EDARADD: variants seen among roughly 807,000 people sequenced by gnomAD.
EDARADD encodes the protein EDAR associated via death domain.
EDARADD carries 20 observed loss-of-function variants against 25.6 expected under a neutral mutation model. The ratio of observed to expected loss-of-function variants is 0.78; its 90% CI spans 0.55 to 1.14. The LOEUF (loss-of-function observed/expected upper bound fraction) is 1.14, where lower values mean the gene tolerates loss of function less well. Ranked by LOEUF, EDARADD falls within the 50% of genes most tolerant of loss-of-function variation. The pLI is 0.00. For missense variants in EDARADD, 225 were observed against 270.1 expected (o/e 0.83, Z 1.17); for synonymous variants, 86 against 94.4 (o/e 0.91, Z 0.52).
At chr1:236,406,671 G>A (rs192492344) in intron 1 of EDARADD, among the ~76,000 whole-genome samples, 4 of 152,314 alleles carry the variant, frequency 2.6e-5, no homozygotes, top group South Asian at 2.1e-4. Flanking sequence ...GTGACTGTAC[G>A]TTAATGTGTC....
chr1:236,470,711 C>G (rs993967315), intron 5 of EDARADD, among the ~76,000 whole-genome samples: 1 of 152,038 alleles, frequency 6.6e-6, no homozygotes, highest in Non-Finnish European at 1.5e-5. Flanking sequence ...GTTCAAGCAG[C>G]TCTCCTGCCT....
chr1:236,415,284 AG>A (rs1394470149), intron 3 of EDARADD, among the ~76,000 whole-genome samples: 2 of 152,096 alleles, frequency 1.3e-5, no homozygotes, highest in Non-Finnish European at 2.9e-5. Context: ...GGCTAGACAA[AG>A]GGGTGAGGGA....
intron 4 of EDARADD, among the ~76,000 whole-genome samples, chr1:236,450,855 A>G (rs1297165680): frequency 2.0e-5 from 3 of 152,086 alleles, no homozygotes; most frequent in African/African-American, 7.2e-5. Context: ...AGCCTAACTC[A>G]TATAGTTTTC....
At chr1:236,475,004 A>T (rs925543893) in intron 5 of EDARADD, among the ~76,000 whole-genome samples, 7 of 152,040 alleles carry the variant, frequency 4.6e-5, no homozygotes, top group Non-Finnish European at 7.4e-5. Context: ...GTGGTGGCAG[A>T]CACCTGTAAT....
At chr1:236,405,865 C>CCTTT (rs1667716034) in intron 1 of EDARADD, among the ~76,000 whole-genome samples, 1 of 58,058 alleles carries the variant, frequency 1.7e-5, no homozygotes, top group African/African-American at 7.3e-5. Flanking sequence ...TTCCTTCCTT[C>CCTTT]CTTCCTTCCT....
intron 4 of EDARADD, among the ~76,000 whole-genome samples, chr1:236,466,422 C>G (rs577726121): frequency 2.0e-4 from 26 of 128,000 alleles, no homozygotes; most frequent in Admixed American, 8.9e-5. Context: ...CTTTCTCTCT[C>G]ACTCTCTCTC....
chr1:236,360,553 T>G (rs1188069573), intron 3 of EDARADD, among the ~76,000 whole-genome samples: 1 of 147,614 alleles, frequency 6.8e-6, no homozygotes, highest in African/African-American at 2.5e-5. Context: ...TTTTTTTTTT[T>G]TTTTTTTTTT....
At chr1:236,366,348 C>T (rs1667112195) in intron 3 of EDARADD, among the ~76,000 whole-genome samples, 1 of 152,190 alleles carries the variant, frequency 6.6e-6, no homozygotes, top group Non-Finnish European at 1.5e-5. Context: ...TGAGCTGAGA[C>T]CTTTTTGAGC....
intron 3 of EDARADD, among the ~76,000 whole-genome samples, chr1:236,387,259 G>A (rs1221658111): frequency 4.4e-5 from 1 of 22,642 alleles, no homozygotes; most frequent in African/African-American, 1.7e-4. Context: ...GCCTCTGCCC[G>A]GCCGCCCCTA....
chr1:236,352,722 C>T (rs186213963), intron 3 of EDARADD, among the ~76,000 whole-genome samples: 18 of 152,204 alleles, frequency 1.2e-4, no homozygotes, highest in Admixed American at 1.0e-3. Context: ...GTGGTGGGCA[C>T]CTGTAATCCC....
intron 3 of EDARADD, among the ~76,000 whole-genome samples, chr1:236,363,592 TA>T (rs1217998154): frequency 2.0e-5 from 3 of 151,342 alleles, no homozygotes; most frequent in Non-Finnish European, 4.4e-5. Flanking sequence ...TATTTTTACT[TA>T]AAAAAATAAG....
intron 3 of EDARADD, among the ~76,000 whole-genome samples, chr1:236,361,402 A>G (rs1264991097): frequency 1.3e-5 from 2 of 151,592 alleles, no homozygotes; most frequent in African/African-American, 4.9e-5. Flanking sequence ...TGCAACCTCC[A>G]CCTCCGGGTT....
At chr1:236,427,572 GT>G in intron 4 of EDARADD, 122 bp downstream of exon 4, 1 of 919,120 alleles carries the variant, frequency 1.1e-6, no homozygotes, top group Non-Finnish European at 1.7e-6. Context: ...CATAAACAGG[GT>G]TTGCAAATGG....
chr1:236,427,467 C>T lies in EDARADD; in HGVS notation c.219+17C>T, dbSNP rs1356015954. The T allele has an allele frequency of 3.1e-6, 5 of 1,607,300 alleles. No homozygotes were observed. The highest frequency in any genetic ancestry group is 4.3e-6 in the Non-Finnish European group (5 of 1,175,802). On this transcript the variant is annotated intron_variant, in intron 4 of 5. Coordinates refer to ENST00000334232, the MANE Select transcript of EDARADD (RefSeq NM_145861.4). ...AAAAATCAGGTAAGAATAATTTCAA[C>T]TATATTTTACCCTTAGGTACATGAT...
chr1:236,377,593 C>T (rs1572115587), intron 3 of EDARADD, among the ~76,000 whole-genome samples: 1 of 151,580 alleles, frequency 6.6e-6, no homozygotes, highest in East Asian at 2.0e-4. Flanking sequence ...AGCGTGGTGG[C>T]TCACGCCTGT....
At chr1:236,353,859 G>C (rs1666946850) in intron 3 of EDARADD, among the ~76,000 whole-genome samples, 1 of 151,980 alleles carries the variant, frequency 6.6e-6, no homozygotes, top group Non-Finnish European at 1.5e-5. Flanking sequence ...GTGTTGCTTA[G>C]CAAAATGACA....
At chr1:236,466,850 T>C (rs1250510756) in intron 4 of EDARADD, among the ~76,000 whole-genome samples, 5 of 152,098 alleles carry the variant, frequency 3.3e-5, no homozygotes, top group African/African-American at 4.8e-5. Context: ...GGGCGGATCA[T>C]GAGGTCAGGA....
chr1:236,467,212 A>T (rs72753395), intron 4 of EDARADD, among the ~76,000 whole-genome samples: 80 of 151,446 alleles, frequency 5.3e-4, no homozygotes, highest in Non-Finnish European at 9.0e-4. Flanking sequence ...ACAAACGGGG[A>T]ATCTGAGACC....
At position 236,424,494 on chromosome 1, in the gene EDARADD, A is replaced by T. The variant is rs607577; in HGVS notation, c.161-2898A>T. ...CTCCTTTGTGTCCAGGTTTCTTTTT[A>T]TCTTTCTTTCATTCCCTTTTTATGG... On this transcript the variant is annotated intron_variant, in intron 3 of 5. Transcript: ENST00000334232. Among the ~76,000 whole-genome samples the T allele has an allele frequency of 2.6e-5, 4 of 151,684 alleles. No homozygotes were observed. In the South Asian group the frequency reaches 8.3e-4, roughly 31 times the overall value.
Sources: gnomAD v4.1 joint callset for allele counts (sites outside exome capture counted in the v4.1 genomes callset) on GRCh38, gnomAD v4.1.1 for gene constraint, MANE v1.5 for transcripts, NCBI Gene and HGNC (gene_info 2026-07-23, HGNC 2026-07-21) for gene names.